ASIC2: variants seen among roughly 807,000 people sequenced by gnomAD.
The protein encoded by ASIC2 is acid-sensing ion channel 2.
ASIC2 carries 25 observed loss-of-function variants against 57.3 expected under a neutral mutation model. The observed-to-expected ratio is 0.44, with a 90% confidence interval of 0.32 to 0.61. ASIC2 has a LOEUF of 0.61. Among genes scored for constraint, ASIC2 ranks in the 20% least tolerant of loss-of-function variants. The pLI, the probability that ASIC2 is intolerant of heterozygous loss-of-function variation, is 0.06. For synonymous variants in ASIC2, 319 were observed against 307.5 expected (o/e 1.04, Z -0.39); for missense variants, 641 against 738.1 (o/e 0.87, Z 1.52).
At chr17:33,879,625 A>G (rs1450453668) in intron 1 of ASIC2, among the ~76,000 whole-genome samples, 4 of 152,306 alleles carry the variant, frequency 2.6e-5, no homozygotes, top group Admixed American at 2.0e-4. Flanking sequence ...GAGACCTACA[A>G]AGAGACTTAG....
At chr17:33,655,270 T>G (rs1380734564) in intron 1 of ASIC2, among the ~76,000 whole-genome samples, 1 of 152,184 alleles carries the variant, frequency 6.6e-6, no homozygotes, top group Non-Finnish European at 1.5e-5. Context: ...GAGAGTTAGG[T>G]CTCTAAAGCA....
At chr17:34,030,989 C>T (rs1269123044) in intron 1 of ASIC2, among the ~76,000 whole-genome samples, 4 of 152,230 alleles carry the variant, frequency 2.6e-5, no homozygotes, top group Non-Finnish European at 4.4e-5. Flanking sequence ...TTAAATGTCC[C>T]TCTCTGACAG....
chr17:33,370,883 A>G (rs998829037), intron 1 of ASIC2, among the ~76,000 whole-genome samples: 1 of 152,224 alleles, frequency 6.6e-6, no homozygotes, highest in African/African-American at 2.4e-5. Flanking sequence ...AATTCCAGGC[A>G]AGTCCGCAGT....
intron 1 of ASIC2, among the ~76,000 whole-genome samples, chr17:33,279,885 C>T (rs1048143663): frequency 6.6e-5 from 10 of 152,072 alleles, no homozygotes; most frequent in African/African-American, 1.7e-4. Context: ...GAGTGTTGTC[C>T]TGAGGATTAA....
chr17:33,250,789 G>T (rs1567798926), intron 1 of ASIC2, among the ~76,000 whole-genome samples: 2 of 152,282 alleles, frequency 1.3e-5, no homozygotes, highest in East Asian at 3.9e-4. Flanking sequence ...GGAGCCCAGG[G>T]ACCCTCTATG....
chr17:33,931,908 G>A (rs1449734441), intron 1 of ASIC2, among the ~76,000 whole-genome samples: 1 of 152,208 alleles, frequency 6.6e-6, no homozygotes, highest in East Asian at 1.9e-4. Context: ...TGTTGGCGCT[G>A]ATTCCAGTAG....
chr17:33,286,286 A>G (rs1207515053), intron 1 of ASIC2, among the ~76,000 whole-genome samples: 1 of 152,228 alleles, frequency 6.6e-6, no homozygotes, highest in African/African-American at 2.4e-5. Flanking sequence ...TAACTCTTGC[A>G]GAGGGGGTTG....
chr17:33,274,697 C>CA (rs5820028), intron 1 of ASIC2, among the ~76,000 whole-genome samples: 57,797 of 151,964 alleles, frequency 0.38, 11,098 homozygotes, highest in Admixed American at 0.43. Context: ...TGGGCTTTAG[C>CA]ATTAAAAAAC....
chr17:33,760,933 G>A (rs777033114), intron 1 of ASIC2, among the ~76,000 whole-genome samples: 5 of 152,096 alleles, frequency 3.3e-5, no homozygotes, highest in African/African-American at 1.2e-4. Flanking sequence ...AACAAGAGGC[G>A]CTTCCTTCTA....
chr17:33,379,526 A>G (rs1909402818), intron 1 of ASIC2, among the ~76,000 whole-genome samples: 2 of 152,030 alleles, frequency 1.3e-5, no homozygotes. Context: ...ATGCCCCAGT[A>G]TTTTCTGAGG....
chr17:33,363,047 T>A (rs1365927949), intron 1 of ASIC2, among the ~76,000 whole-genome samples: 2 of 152,222 alleles, frequency 1.3e-5, no homozygotes, highest in Admixed American at 1.3e-4. Context: ...GATTTAAAAT[T>A]GGCAGTTGCC....
chr17:33,840,771 A>G (rs1913412605), intron 1 of ASIC2, among the ~76,000 whole-genome samples: 1 of 133,954 alleles, frequency 7.5e-6, no homozygotes, highest in South Asian at 2.5e-4. Flanking sequence ...AAATCAAGGT[A>G]GGTTATTCCT....
At chr17:33,935,202 C>T (rs1419269341) in intron 1 of ASIC2, among the ~76,000 whole-genome samples, 1 of 152,244 alleles carries the variant, frequency 6.6e-6, no homozygotes, top group Non-Finnish European at 1.5e-5. Context: ...CCTTTCTTTT[C>T]AGCCCCCAAA....
intron 1 of ASIC2, among the ~76,000 whole-genome samples, chr17:33,838,569 C>T (rs1443915651): frequency 2.6e-5 from 4 of 152,146 alleles, no homozygotes; most frequent in Non-Finnish European, 1.5e-5. Flanking sequence ...AGGAGTCAGG[C>T]TATCTCAGTT....
intron 1 of ASIC2, among the ~76,000 whole-genome samples, chr17:34,139,941 C>G (rs571075830): frequency 4.6e-5 from 7 of 152,316 alleles, no homozygotes; most frequent in South Asian, 4.1e-4. Context: ...TTTTAAAACT[C>G]TGTGTGTGAT....
chr17:33,202,669 G>A (rs1029542515), intron 1 of ASIC2, among the ~76,000 whole-genome samples: 1 of 152,190 alleles, frequency 6.6e-6, no homozygotes, highest in Non-Finnish European at 1.5e-5. Context: ...AACTAGATAA[G>A]AGTTGCTATG....
chr17:33,385,889 A>G (rs1909657496), intron 1 of ASIC2, among the ~76,000 whole-genome samples: 1 of 152,210 alleles, frequency 6.6e-6, no homozygotes, highest in Non-Finnish European at 1.5e-5. Context: ...TGATGGAGAT[A>G]AGATAGTGTA....
chr17:33,100,699 C>G (rs1362779861), intron 2 of ASIC2, among the ~76,000 whole-genome samples: 1 of 152,174 alleles, frequency 6.6e-6, no homozygotes. Flanking sequence ...TTATAAACTT[C>G]GAAAACCTGG....
In ASIC2 at chr17:33,259,247, A is replaced by T. The variant is rs188640055; in HGVS notation, c.708+32161T>A. Among the ~76,000 whole-genome samples, 157 of 152,324 alleles carry T rather than the reference A, an allele frequency of 1.0e-3. 3 individuals are homozygous for T. Among genetic ancestry groups the T allele is most frequent in the Admixed American group, 7.9e-3 (121 of 15,308 alleles). ...TTCTAAATGCAACATCCTCTTTGGT[A>T]ATGATATAATGATATATTAGGCCTC... On this transcript the variant is annotated intron_variant, in intron 1 of 9. Transcript: ENST00000225823.
Sources: allele counts gnomAD v4.1 joint callset (sites outside exome capture counted in the v4.1 genomes callset), GRCh38; gene constraint gnomAD v4.1.1; transcripts MANE v1.5; gene names NCBI Gene and HGNC (gene_info 2026-07-23, HGNC 2026-07-21).